ANKS1A: variants seen among roughly 807,000 people sequenced by gnomAD.
ANKS1A encodes the protein ankyrin repeat and SAM domain-containing protein 1A.
In ANKS1A, 55 loss-of-function variants were observed where a neutral mutation model predicts 120.3. The observed-to-expected ratio is 0.46, with a 90% confidence interval of 0.37 to 0.57. ANKS1A has a LOEUF of 0.57. Among genes scored for constraint, ANKS1A ranks in the 20% least tolerant of loss-of-function variants. ANKS1A has a pLI of 0.00. For synonymous variants in ANKS1A, 590 were observed against 604.7 expected (o/e 0.98, Z 0.36); for missense variants, 1,123 against 1,480.3 (o/e 0.76, Z 3.96).
intron 12 of ANKS1A, among the ~76,000 whole-genome samples, chr6:35,055,886 A>T (rs963095588): frequency 6.6e-6 from 1 of 152,144 alleles, no homozygotes; most frequent in Non-Finnish European, 1.5e-5. Flanking sequence ...TGTTTTCAGG[A>T]TCTGTTGCTT....
intron 19 of ANKS1A, 92 bp from the exon 20 acceptor site, chr6:35,083,321 CTATG>C (rs1014147669): frequency 2.1e-5 from 33 of 1,594,226 alleles, no homozygotes; most frequent in Non-Finnish European, 2.7e-5. Flanking sequence ...CCCTGCTGCA[CTATG>C]TAAGGATGGG....
chr6:34,940,221 A>G (rs1769456954), intron 1 of ANKS1A, among the ~76,000 whole-genome samples: 1 of 152,256 alleles, frequency 6.6e-6, no homozygotes, highest in Non-Finnish European at 1.5e-5. Flanking sequence ...GAAGATAAAG[A>G]AAAGATTAAT....
intron 13 of ANKS1A, among the ~76,000 whole-genome samples, chr6:35,062,269 C>T (rs528550960): frequency 3.3e-5 from 5 of 152,280 alleles, no homozygotes; most frequent in South Asian, 2.1e-4. Flanking sequence ...TCGGGTGAGC[C>T]GGGACCTCAG....
At chr6:35,006,362 AAG>A (rs568558958) in intron 10 of ANKS1A, among the ~76,000 whole-genome samples, 108 of 152,160 alleles carry the variant, frequency 7.1e-4, no homozygotes, top group African/African-American at 2.5e-3. Flanking sequence ...AAATAACTAA[AAG>A]AGTGTAATTG....
chr6:35,022,691 G>A (rs530700055), intron 11 of ANKS1A, among the ~76,000 whole-genome samples: 60 of 152,252 alleles, frequency 3.9e-4, no homozygotes, highest in African/African-American at 1.3e-3. Context: ...GAAGGTGTAC[G>A]TAAATAAAAT....
In ANKS1A at chr6:35,090,758, G is replaced by A; in HGVS notation, c.*2149G>A. The A allele has an allele frequency of 1.0e-6, 1 of 986,520 alleles. No individual in the cohort carries two copies. 61.1% of individuals were successfully genotyped at this position (986,520 alleles called of 1,614,324 possible). Reference sequence around the variant, plus strand: ...CTTCTCCAAGTGCAGGTCACACCAGGGGCAGACCCTGTCGCTGCGTTTCTG... The same window carrying A: ...CTTCTCCAAGTGCAGGTCACACCAGAGGCAGACCCTGTCGCTGCGTTTCTG... On this transcript the variant is annotated 3_prime_UTR_variant, in exon 24 of 24. Transcript: ENST00000360359.
rs540439554 is a variant in ANKS1A, at chr6:34,892,683, T to G, written c.197+3084T>G. 5.9e-5 allele frequency among the ~76,000 whole-genome samples: 9 copies of G among 152,346 alleles called. No individual in the cohort carries two copies. In the East Asian group the frequency reaches 1.7e-3, roughly 29 times the overall value. ...CCTCTACACAGCTTGGGCTTAGGTT[T>G]TAACTTCTTAAAGCCCTTCCTGATG... On this transcript the variant is annotated intron_variant, in intron 1 of 23. Coordinates refer to ENST00000360359, the MANE Select transcript of ANKS1A (RefSeq NM_015245.3).
chr6:35,088,039 C>G (rs1778090215), intron 23 of ANKS1A, among the ~76,000 whole-genome samples: 3 of 152,230 alleles, frequency 2.0e-5, no homozygotes, highest in Admixed American at 6.5e-5. Context: ...TGCTGGAGGA[C>G]AGGGACCTGG....
intron 10 of ANKS1A, among the ~76,000 whole-genome samples, chr6:34,998,122 C>T (rs976024152): frequency 4.6e-5 from 7 of 152,182 alleles, no homozygotes; most frequent in Non-Finnish European, 1.0e-4. Context: ...CCTATCCTGG[C>T]AGCCTGGCAG....
chr6:34,910,847 T>G, intron 1 of ANKS1A, among the ~76,000 whole-genome samples: 2 of 125,936 alleles, frequency 1.6e-5, no homozygotes, highest in African/African-American at 3.1e-5. Context: ...GGTGACAGAG[T>G]GAAACTCCAT....
chr6:34,991,541 T>TATAC (rs1228386866), intron 9 of ANKS1A, among the ~76,000 whole-genome samples: 1 of 138,484 alleles, frequency 7.2e-6, no homozygotes, highest in African/African-American at 2.8e-5. Context: ...AAAAAATATA[T>TATAC]ACACACACAC....
Position 35,060,166 on chromosome 6 carries a change from G to T in ANKS1A, c.2097G>T (p.Gln699His), listed in dbSNP as rs763023596. 2.8e-5 allele frequency: 45 copies of T among 1,613,644 alleles called. No individual in the cohort carries two copies. Among genetic ancestry groups the T allele is most frequent in the South Asian group, 4.4e-5 (4 of 90,932 alleles). The change falls in exon 13 of 24, where the codon CAG becomes CAT. Residue 699 changes from glutamine to histidine, a missense_variant. Gln to His is a conservative substitution (Grantham distance 24). This residue lies in a region of ANKS1A where 904 missense variants were observed against 1,130.4 expected (regional missense o/e 0.80). Coordinates refer to ENST00000360359, the MANE Select transcript of ANKS1A (RefSeq NM_015245.3). This position sits in a 1 kb window ranked among gnomAD's most constrained non-coding sequence, Gnocchi z 4.5. ...CATCAGGTTTACGGACGCTGGAGCA[G>T]AGTGTCGGGGAGTGGCTGGAGTCGA... ...QKISGLRTLE[Q>H]SVGEWLESIG...
At chr6:35,070,168 T>C (rs952712669) in intron 13 of ANKS1A, among the ~76,000 whole-genome samples, 9 of 152,024 alleles carry the variant, frequency 5.9e-5, no homozygotes, top group African/African-American at 1.7e-4. Context: ...GGGGCATCAA[T>C]AGTTGTCACC....
chr6:35,059,296 A>G (rs1365607920), intron 12 of ANKS1A, among the ~76,000 whole-genome samples: 4 of 152,216 alleles, frequency 2.6e-5, no homozygotes, highest in Non-Finnish European at 1.5e-5. Flanking sequence ...CTCCTGGCCC[A>G]CTGGCCGCGC....
At chr6:34,985,533 T>G (rs1772150948) in intron 8 of ANKS1A, among the ~76,000 whole-genome samples, 3 of 152,252 alleles carry the variant, frequency 2.0e-5, no homozygotes, top group Non-Finnish European at 4.4e-5. Context: ...TTTACGTGAC[T>G]TCATTGGCCT....
intron 9 of ANKS1A, among the ~76,000 whole-genome samples, chr6:34,991,779 CACACATATATATATACATATATAT>C (rs1581609295): frequency 1.5e-5 from 2 of 137,782 alleles, no homozygotes; most frequent in Non-Finnish European, 3.1e-5. Flanking sequence ...CATATATATA[CACACATATATATATACATATATAT>C]ACACACACAT....
rs374368472 is a variant in ANKS1A at position 34,896,210 on chromosome 6, C to T, written c.197+6611C>T. Reference sequence around the variant, plus strand: ...TCAGCCTCCTGAGTAGCTGTGATTACAGGCATGCACCACTGCACCTGGCGA... The same window carrying T: ...TCAGCCTCCTGAGTAGCTGTGATTATAGGCATGCACCACTGCACCTGGCGA... On this transcript the variant is annotated intron_variant, in intron 1 of 23. Coordinates refer to ENST00000360359, the MANE Select transcript of ANKS1A (RefSeq NM_015245.3). 9.2e-5 allele frequency among the ~76,000 whole-genome samples: 14 copies of T among 152,096 alleles called. No individual in the cohort carries two copies. The East Asian group carries it at 1.2e-3, about 13-fold the overall frequency.
At chr6:35,036,910 A>T (rs1032313584) in intron 11 of ANKS1A, among the ~76,000 whole-genome samples, 2 of 152,182 alleles carry the variant, frequency 1.3e-5, no homozygotes, top group Non-Finnish European at 2.9e-5. Flanking sequence ...GGGCCCCGGT[A>T]ATGTTTCTAC....
intron 11 of ANKS1A, among the ~76,000 whole-genome samples, chr6:35,032,883 C>T (rs1433064123): frequency 6.6e-6 from 1 of 152,172 alleles, no homozygotes; most frequent in African/African-American, 2.4e-5. Context: ...TGTCTTATGA[C>T]TTTCTCACTT....
Sources: gnomAD v4.1 joint callset for allele counts (sites outside exome capture counted in the v4.1 genomes callset) on GRCh38, gnomAD v4.1.1 for gene constraint, gnomAD v4.1.1 regional missense constraint, Gnocchi (gnomAD v3.1) non-coding constraint, MANE v1.5 for transcripts, NCBI Gene and HGNC (gene_info 2026-07-23, HGNC 2026-07-21) for gene names.